The following CCSER1 variants were observed in gnomAD, a reference collection of about 807,000 sequenced individuals.
CCSER1 encodes the protein coiled-coil serine rich protein 1, also known as serine-rich coiled-coil domain-containing protein 1.
CCSER1 carries 41 observed loss-of-function variants against 82.0 expected under a neutral mutation model. That is an observed-to-expected ratio of 0.50 (90% CI 0.39 to 0.65). The LOEUF (loss-of-function observed/expected upper bound fraction) is 0.65. CCSER1 is among the 30% of genes least tolerant of loss of function. The pLI, the probability that CCSER1 is intolerant of heterozygous loss-of-function variation, is 0.00. For synonymous variants in CCSER1, 414 were observed against 383.9 expected, an observed-to-expected ratio of 1.08 and a Z score of -0.92; for missense variants, 1,119 against 1,064.2, an observed-to-expected ratio of 1.05 and a Z score of -0.72.
intron 1 of CCSER1, among the ~76,000 whole-genome samples, chr4:90,157,771 T>G (rs959772784): frequency 3.0e-4 from 45 of 152,190 alleles, no homozygotes; most frequent in African/African-American, 1.1e-3. Flanking sequence ...AGTTATACAT[T>G]CATCTAAATT....
At chr4:90,998,003 A>G (rs542784529) in intron 9 of CCSER1, among the ~76,000 whole-genome samples, 1 of 152,308 alleles carries the variant, frequency 6.6e-6, no homozygotes, top group Non-Finnish European at 1.5e-5. Context: ...AGAATTTCCC[A>G]ATTAAATATT....
intron 10 of CCSER1, among the ~76,000 whole-genome samples, chr4:91,408,435 C>A (rs1395526936): frequency 1.3e-5 from 2 of 152,160 alleles, no homozygotes; most frequent in African/African-American, 4.8e-5. Flanking sequence ...ATCAGCCAGC[C>A]TTTTTATGAT....
intron 1 of CCSER1, among the ~76,000 whole-genome samples, chr4:90,301,632 G>T (rs1037778792): frequency 6.6e-6 from 1 of 151,820 alleles, no homozygotes; most frequent in Admixed American, 6.6e-5. Flanking sequence ...AACGTTTATG[G>T]TAATAAAGAC....
chr4:91,144,952 C>A (rs1286787359), intron 10 of CCSER1, among the ~76,000 whole-genome samples: 1 of 151,934 alleles, frequency 6.6e-6, no homozygotes, highest in Non-Finnish European at 1.5e-5. Context: ...AGGTGGAATA[C>A]TCTGTTGATG....
intron 10 of CCSER1, among the ~76,000 whole-genome samples, chr4:91,184,930 T>C (rs1215698740): frequency 6.6e-6 from 1 of 152,214 alleles, no homozygotes; most frequent in Non-Finnish European, 1.5e-5. Context: ...GAAGTTATAA[T>C]TGGTTGAATA....
chr4:91,155,630 T>C (rs185682186), intron 10 of CCSER1, among the ~76,000 whole-genome samples: 157 of 152,120 alleles, frequency 1.0e-3, no homozygotes, highest in African/African-American at 3.7e-3. Flanking sequence ...ATGAATGATA[T>C]AGAATGAATT....
intron 1 of CCSER1, among the ~76,000 whole-genome samples, chr4:90,204,253 T>G (rs1357908952): frequency 3.9e-5 from 6 of 152,228 alleles, no homozygotes; most frequent in African/African-American, 1.4e-4. Context: ...GTTTCAGTCA[T>G]GAAGTCTTTG....
At chr4:90,483,240 TC>T (rs1170147333) in intron 5 of CCSER1, among the ~76,000 whole-genome samples, 1 of 152,200 alleles carries the variant, frequency 6.6e-6, no homozygotes, top group Non-Finnish European at 1.5e-5. Context: ...TCTTCCTCCA[TC>T]CCTTTATTTT....
At chr4:91,542,325 T>C (rs1321759758) in intron 10 of CCSER1, among the ~76,000 whole-genome samples, 1 of 152,130 alleles carries the variant, frequency 6.6e-6, no homozygotes, top group Non-Finnish European at 1.5e-5. Context: ...CTGAATGGTA[T>C]TGCCTAGGTT....
chr4:90,574,393 C>T (rs1405727459), intron 5 of CCSER1, among the ~76,000 whole-genome samples: 1 of 150,840 alleles, frequency 6.6e-6, no homozygotes, highest in Non-Finnish European at 1.5e-5. Context: ...CTCAGCCTCC[C>T]AAGTAGCTGG....
chr4:90,175,279 T>G (rs1732454255), intron 1 of CCSER1, among the ~76,000 whole-genome samples: 1 of 151,970 alleles, frequency 6.6e-6, no homozygotes, highest in Non-Finnish European at 1.5e-5. Flanking sequence ...TATTCAATTT[T>G]TATACAATTC....
chr4:91,037,161 C>G (rs73834738), intron 9 of CCSER1, among the ~76,000 whole-genome samples: 7,092 of 152,016 alleles, frequency 0.047, 416 homozygotes, highest in African/African-American at 0.14. Context: ...GGTGGTGTCT[C>G]TGCATTGTCT....
At chr4:90,709,946 G>GTTTTTT (rs200510091) in intron 6 of CCSER1, among the ~76,000 whole-genome samples, 1 of 134,972 alleles carries the variant, frequency 7.4e-6, no homozygotes, top group Non-Finnish European at 1.6e-5. Context: ...GCCAGCATCT[G>GTTTTTT]TTTTTTTTTT....
At chr4:90,448,478 TA>T (rs1560533139) in intron 4 of CCSER1, among the ~76,000 whole-genome samples, 5 of 139,658 alleles carry the variant, frequency 3.6e-5, no homozygotes, top group African/African-American at 1.3e-4. Flanking sequence ...TATATATATA[TA>T]TATATAGCAC....
intron 1 of CCSER1, among the ~76,000 whole-genome samples, chr4:90,234,320 A>C (rs1745337721): frequency 1.3e-5 from 2 of 151,680 alleles, no homozygotes; most frequent in African/African-American, 2.4e-5. Context: ...TAGCTCAAGC[A>C]ATTCTCCTAC....
intron 10 of CCSER1, among the ~76,000 whole-genome samples, chr4:91,311,660 T>C (rs538080270): frequency 6.6e-6 from 1 of 151,964 alleles, no homozygotes; most frequent in Non-Finnish European, 1.5e-5. Context: ...ATATAATCTA[T>C]AAATCATAAA....
At chr4:91,039,414 G>GT (rs894509909) in intron 9 of CCSER1, among the ~76,000 whole-genome samples, 1 of 151,620 alleles carries the variant, frequency 6.6e-6, no homozygotes, top group African/African-American at 2.4e-5. Flanking sequence ...ACAACATTGT[G>GT]TTTTTTTTCT....
intron 8 of CCSER1, among the ~76,000 whole-genome samples, chr4:90,891,236 T>C (rs2150113772): frequency 6.6e-6 from 1 of 151,810 alleles, no homozygotes; most frequent in Non-Finnish European, 1.5e-5. Flanking sequence ...AAATGTAGAA[T>C]TAATATAGTA....
At chr4:91,084,786 G>T (rs1723191128) in intron 9 of CCSER1, among the ~76,000 whole-genome samples, 2 of 152,166 alleles carry the variant, frequency 1.3e-5, no homozygotes, top group African/African-American at 4.8e-5. Context: ...AGGGTCAAGA[G>T]AGTAGTAAAG....
Sources: allele counts gnomAD v4.1 joint callset (sites outside exome capture counted in the v4.1 genomes callset), GRCh38; gene constraint gnomAD v4.1.1; transcripts MANE v1.5; gene names NCBI Gene and HGNC (gene_info 2026-07-23, HGNC 2026-07-21).